The following CD109 variants were observed in gnomAD, a reference collection of about 807,000 sequenced individuals.
CD109 encodes the protein CD109 antigen.
CD109 carries 149 observed loss-of-function variants against 165.8 expected under a neutral mutation model. The observed-to-expected ratio is 0.90, with a 90% CI of 0.79 to 1.03. The LOEUF (loss-of-function observed/expected upper bound fraction) is 1.03. Ranked by LOEUF, CD109 falls within the 50% of genes least tolerant of loss-of-function variation. The pLI, the probability that CD109 is intolerant of heterozygous loss-of-function variation, is 0.00. For missense variants in CD109, 1,712 were observed against 1,677.8 expected, an observed-to-expected ratio of 1.02 and a Z score of -0.36; for synonymous variants, 585 against 592.1, an observed-to-expected ratio of 0.99 and a Z score of 0.18.
At chr6:73,710,272 A>G (rs958635487) in intron 2 of CD109, among the ~76,000 whole-genome samples, 4 of 152,208 alleles carry the variant, frequency 2.6e-5, no homozygotes, top group South Asian at 2.1e-4. Flanking sequence ...ATGTGCAAAA[A>G]TCACCAGCAT....
chr6:73,703,371 A>G (rs937282268), intron 2 of CD109, among the ~76,000 whole-genome samples: 2 of 152,242 alleles, frequency 1.3e-5, no homozygotes, highest in Non-Finnish European at 2.9e-5. Context: ...TCTCCTCTTA[A>G]TTTACTTTCA....
chr6:73,732,430 A>G (rs943856367), intron 4 of CD109, among the ~76,000 whole-genome samples: 2 of 152,198 alleles, frequency 1.3e-5, no homozygotes, highest in African/African-American at 2.4e-5. Context: ...TGCCTTTGGT[A>G]TGTAATGGAA....
chr6:73,782,485 C>A, intron 17 of CD109, 129 bp from the exon 18 acceptor site: 1 of 820,212 alleles, frequency 1.2e-6, no homozygotes, highest in Non-Finnish European at 1.9e-6. Flanking sequence ...ACAGAAGGAA[C>A]CTGATACTCT....
chr6:73,818,473 C>T lies in CD109; in HGVS notation c.3997C>T (p.Leu1333=), dbSNP rs777724674. Residue 1333 remains leucine, a synonymous_variant, in exon 31 of 33, where the codon CTG becomes TTG. Transcript: ENST00000287097. Reference sequence around the variant, plus strand: ...TATGGTGCCTTCAGAAGCAATTTCTCTGAGCGAGACAGTGAAGAAAGTGGA... The same window carrying T: ...TATGGTGCCTTCAGAAGCAATTTCTTTGAGCGAGACAGTGAAGAAAGTGGA... ...GFMVPSEAIS[L]SETVKKVEYD... The T allele has an allele frequency of 6.2e-7, 1 of 1,613,512 alleles. No individual in the cohort carries two copies.
intron 5 of CD109, among the ~76,000 whole-genome samples, chr6:73,741,025 C>G (rs145258668): frequency 2.0e-5 from 3 of 152,192 alleles, no homozygotes; most frequent in Non-Finnish European, 4.4e-5. Context: ...CCTTGGTTTT[C>G]CATCTTATGT....
At chr6:73,745,753 G>C (rs143917157) in intron 5 of CD109, among the ~76,000 whole-genome samples, 32 of 152,316 alleles carry the variant, frequency 2.1e-4, no homozygotes, top group Middle Eastern at 6.8e-3. Flanking sequence ...TTTTGAGACA[G>C]AGTCTCGCTG....
chr6:73,789,088 A>G (rs549241211), intron 22 of CD109, among the ~76,000 whole-genome samples: 5 of 152,296 alleles, frequency 3.3e-5, no homozygotes, highest in African/African-American at 9.6e-5. Context: ...TCTACTCTAA[A>G]CCTACTAAGT....
intron 5 of CD109, among the ~76,000 whole-genome samples, chr6:73,745,928 C>T (rs1166364804): frequency 6.6e-6 from 1 of 152,204 alleles, no homozygotes; most frequent in Non-Finnish European, 1.5e-5. Flanking sequence ...CAAGGTTTCG[C>T]CACATTGGCC....
At chr6:73,781,446 C>A in intron 17 of CD109, 127 bp downstream of exon 17, 4 of 776,766 alleles carry the variant, frequency 5.1e-6, no homozygotes, top group Admixed American at 2.5e-5. Context: ...TCTCTTCTCC[C>A]AAAATGTTTG....
At chr6:73,691,013 G>A (rs1043987315), upstream of CD109, among the ~76,000 whole-genome samples, 2 of 152,056 alleles carry the variant, frequency 1.3e-5, no homozygotes, top group Admixed American at 6.6e-5. Context: ...CAGGGGAATA[G>A]ATAGGGTCAC....
upstream of CD109, chr6:73,693,766 G>C (rs1441246669): frequency 1.3e-5 from 2 of 152,178 alleles, no homozygotes; most frequent in African/African-American, 2.4e-5. Flanking sequence ...GGCCAGGCTG[G>C]TCTTGAACTC....
intron 4 of CD109, among the ~76,000 whole-genome samples, chr6:73,735,085 A>G (rs887727765): frequency 1.3e-5 from 2 of 152,190 alleles, no homozygotes; most frequent in African/African-American, 2.4e-5. Context: ...AGAGACCTAC[A>G]TGCATGGGCT....
intron 5 of CD109, among the ~76,000 whole-genome samples, chr6:73,747,873 T>C (rs755658468): frequency 6.6e-6 from 1 of 151,840 alleles, no homozygotes; most frequent in Non-Finnish European, 1.5e-5. Context: ...ATAAATATAT[T>C]TCTTTCTTTC....
At chr6:73,681,768 A>G in the CD109 span, among the ~76,000 whole-genome samples, 1 of 151,842 alleles carries the variant, frequency 6.6e-6, no homozygotes, top group Non-Finnish European at 1.5e-5. Context: ...ACACCTGGCT[A>G]ATTTTTATAT....
At chr6:73,801,521 A>C (rs902899036) in intron 23 of CD109, among the ~76,000 whole-genome samples, 1 of 152,236 alleles carries the variant, frequency 6.6e-6, no homozygotes, top group Non-Finnish European at 1.5e-5. Flanking sequence ...AAATATCACC[A>C]TGAAACAGAG....
intron 5 of CD109, among the ~76,000 whole-genome samples, chr6:73,748,981 AAG>A (rs1413314337): frequency 4.6e-5 from 7 of 152,220 alleles, no homozygotes; most frequent in African/African-American, 1.7e-4. Context: ...GTAAAAATAA[AAG>A]AGGGGAAAAA....
intron 2 of CD109, among the ~76,000 whole-genome samples, chr6:73,698,072 A>G (rs142667612): frequency 2.6e-5 from 4 of 152,354 alleles, no homozygotes; most frequent in East Asian, 1.9e-4. Flanking sequence ...AAGCTACACA[A>G]TAGTTAAAAT....
intron 30 of CD109, among the ~76,000 whole-genome samples, chr6:73,817,489 A>G (rs373481881): frequency 6.6e-6 from 1 of 152,186 alleles, no homozygotes; most frequent in East Asian, 1.9e-4. Flanking sequence ...TGGCTTTTCA[A>G]TCAGTCATGT....
At chr6:73,820,694 G>A (rs2150312276) in intron 32 of CD109, 131 bp downstream of exon 32, 2 of 497,906 alleles carry the variant, frequency 4.0e-6, no homozygotes, top group East Asian at 6.6e-5. Context: ...ACAGGAGGCG[G>A]GGGGGCAGGA....
Sources: gnomAD v4.1 joint callset for allele counts (sites outside exome capture counted in the v4.1 genomes callset) on GRCh38, gnomAD v4.1.1 for gene constraint, MANE v1.5 for transcripts, NCBI Gene and HGNC (gene_info 2026-07-23, HGNC 2026-07-21) for gene names.